The following CENPW variants were observed in gnomAD, a reference collection of about 807,000 sequenced individuals.
The protein encoded by CENPW is centromere protein W.
CENPW carries 3 observed loss-of-function variants against 11.1 expected under a neutral mutation model. The observed-to-expected ratio is 0.27, with a 90% CI of 0.12 to 0.70. The LOEUF is 0.70. CENPW is among the 30% of genes least tolerant of loss of function. The probability of loss-of-function intolerance (pLI) is 0.77; values close to 1 mark genes in which losing one functional copy is unlikely to be tolerated. For missense variants in CENPW, 100 were observed against 105.6 expected (o/e 0.95, Z 0.23); for synonymous variants, 38 against 42.0 (o/e 0.91, Z 0.37).
chr6:126,371,953 T>G, the CENPW span, among the ~76,000 whole-genome samples: 4 of 152,190 alleles, frequency 2.6e-5, no homozygotes, highest in Non-Finnish European at 4.4e-5. Context: ...CATTTCTAAT[T>G]GAGCTTATTT....
chr6:126,350,511 C>T (rs1257725073), downstream of CENPW, among the ~76,000 whole-genome samples: 2 of 152,156 alleles, frequency 1.3e-5, no homozygotes, highest in African/African-American at 4.8e-5. Flanking sequence ...TCCCAAAGGT[C>T]GTTCCTCCTA....
chr6:126,365,344 T>C, the CENPW span, among the ~76,000 whole-genome samples: 1 of 152,222 alleles, frequency 6.6e-6, no homozygotes, highest in East Asian at 1.9e-4. Context: ...GAGGTTTAAT[T>C]AGCTCATTAA....
At chr6:126,408,418 G>A in the CENPW span, among the ~76,000 whole-genome samples, 21 of 152,158 alleles carry the variant, frequency 1.4e-4, no homozygotes, top group South Asian at 1.2e-3. Context: ...ATCAGATCTC[G>A]TGAGACTTAT....
At chr6:126,481,665 C>T in the CENPW span, among the ~76,000 whole-genome samples, 1 of 152,074 alleles carries the variant, frequency 6.6e-6, no homozygotes, top group Admixed American at 6.6e-5. Flanking sequence ...ACTCTTAATG[C>T]TGTCGCAGTA....
the CENPW span, among the ~76,000 whole-genome samples, chr6:126,402,825 A>G: frequency 6.6e-6 from 1 of 152,092 alleles, no homozygotes; most frequent in African/African-American, 2.4e-5. Flanking sequence ...ATATTCATGT[A>G]CAAAGCAGGC....
the CENPW span, among the ~76,000 whole-genome samples, chr6:126,374,023 A>G: frequency 6.6e-6 from 1 of 152,236 alleles, no homozygotes; most frequent in South Asian, 2.1e-4. Flanking sequence ...TGACTGAAGT[A>G]CTCTCCAAAG....
At chr6:126,390,570 A>AATTTTTTTGTGTCCATTTTTTGTGTCC in the CENPW span, among the ~76,000 whole-genome samples, 1 of 151,628 alleles carries the variant, frequency 6.6e-6, no homozygotes, top group Non-Finnish European at 1.5e-5. Context: ...CATTCTTTCT[A>AATTTTTTTGTGTCCATTTTTTGTGTCC]ATTTTTTTTG....
chr6:126,372,331 TA>T, the CENPW span, among the ~76,000 whole-genome samples: 1 of 152,208 alleles, frequency 6.6e-6, no homozygotes, highest in Non-Finnish European at 1.5e-5. Flanking sequence ...TATATAGTTT[TA>T]ACATCTTTAA....
chr6:126,423,245 A>G, the CENPW span, among the ~76,000 whole-genome samples: 54 of 152,188 alleles, frequency 3.5e-4, no homozygotes, highest in African/African-American at 1.2e-3. Flanking sequence ...ATGAACCATT[A>G]TAAGTTAGTT....
At chr6:126,435,432 CTT>C in the CENPW span, among the ~76,000 whole-genome samples, 1 of 151,478 alleles carries the variant, frequency 6.6e-6, no homozygotes, top group African/African-American at 2.4e-5. Flanking sequence ...ATTGATATAT[CTT>C]TTGTTTTTTC....
the CENPW span, among the ~76,000 whole-genome samples, chr6:126,369,232 T>C: frequency 2.6e-5 from 4 of 152,160 alleles, no homozygotes; most frequent in African/African-American, 9.7e-5. Flanking sequence ...CAATTGTGAA[T>C]TGTGCTGCTA....
the CENPW span, among the ~76,000 whole-genome samples, chr6:126,471,382 C>G: frequency 6.7e-6 from 1 of 150,096 alleles, no homozygotes; most frequent in Middle Eastern, 3.4e-3. Flanking sequence ...CTTGAAGCCT[C>G]CCCAGCCATG....
chr6:126,398,270 G>T, the CENPW span, among the ~76,000 whole-genome samples: 8 of 152,250 alleles, frequency 5.3e-5, no homozygotes, highest in East Asian at 1.5e-3. Flanking sequence ...TCATAGGAAA[G>T]ACCTGTGTCT....
chr6:126,433,155 C>A, the CENPW span, among the ~76,000 whole-genome samples: 2 of 152,200 alleles, frequency 1.3e-5, no homozygotes, highest in African/African-American at 2.4e-5. Context: ...ATGCATGACA[C>A]ATTTCATTTA....
the CENPW span, among the ~76,000 whole-genome samples, chr6:126,430,705 A>C: frequency 6.6e-6 from 1 of 152,276 alleles, no homozygotes; most frequent in African/African-American, 2.4e-5. Context: ...TAATCCCAGC[A>C]CTTTGGGAGG....
chr6:126,377,431 A>G, the CENPW span, among the ~76,000 whole-genome samples: 9 of 152,346 alleles, frequency 5.9e-5, no homozygotes, highest in Admixed American at 3.3e-4. Context: ...ATAGTGGCAG[A>G]CAAGTGGTAT....
chr6:126,436,365 G>A, the CENPW span, among the ~76,000 whole-genome samples: 1 of 151,780 alleles, frequency 6.6e-6, no homozygotes, highest in Non-Finnish European at 1.5e-5. Flanking sequence ...GCTACATGAT[G>A]ATAAAAGAAA....
At chr6:126,342,824 A>G (rs994827605) in intron 1 of CENPW, among the ~76,000 whole-genome samples, 2 of 152,104 alleles carry the variant, frequency 1.3e-5, no homozygotes, top group African/African-American at 4.8e-5. Context: ...TGAGTCTACA[A>G]TTAATTTTGG....
chr6:126,444,826 A>G, the CENPW span, among the ~76,000 whole-genome samples: 5 of 151,212 alleles, frequency 3.3e-5, no homozygotes, highest in Non-Finnish European at 7.4e-5. Flanking sequence ...TTAAATGAAA[A>G]GGATTTTCTT....
Sources: gnomAD v4.1 joint callset for allele counts (sites outside exome capture counted in the v4.1 genomes callset) on GRCh38, gnomAD v4.1.1 for gene constraint, MANE v1.5 for transcripts, NCBI Gene and HGNC (gene_info 2026-07-23, HGNC 2026-07-21) for gene names.